Variants in TNFRSF11A observed in about 807,000 individuals in gnomAD.
TNFRSF11A encodes TNF receptor superfamily member 11a.
Under a neutral mutation model 55.7 loss-of-function variants are expected in TNFRSF11A, and 32 were observed. The observed-to-expected ratio is 0.57, with a 90% CI of 0.43 to 0.77. The LOEUF (loss-of-function observed/expected upper bound fraction) is 0.77, where lower values mean the gene tolerates loss of function less well. Among genes scored for constraint, TNFRSF11A ranks in the 30% least tolerant of loss-of-function variants. The pLI, the probability that TNFRSF11A is intolerant of heterozygous loss-of-function variation, is 0.00. For synonymous variants in TNFRSF11A, 311 were observed against 331.0 expected, an observed-to-expected ratio of 0.94 and a Z score of 0.65; for missense variants, 753 against 809.8, an observed-to-expected ratio of 0.93 and a Z score of 0.85.
Position 62,385,656 on chromosome 18 carries a change from C to T in TNFRSF11A, c.*622C>T, listed in dbSNP as rs1266534635. ...GCAGGCCACGCCCAGCTTCCTCCCC[C>T]CGACTCCCCCCCCAGAGACACGGTC... On this transcript the variant is annotated 3_prime_UTR_variant, in exon 10 of 10. Coordinates refer to ENST00000586569, the MANE Select transcript of TNFRSF11A (RefSeq NM_003839.4). The T allele has an allele frequency of 7.0e-6, 1 of 143,712 alleles. No individual in the cohort carries two copies. The highest frequency in any genetic ancestry group is 1.6e-5 in the Non-Finnish European group (1 of 62,566). The allele number at this position is 143,712 out of a possible 1,614,324, so 8.9% of individuals were successfully genotyped here.
chr18:62,358,165 G>T, intron 4 of TNFRSF11A, 83 bp from the exon 5 acceptor site: 2 of 1,357,164 alleles, frequency 1.5e-6, no homozygotes, highest in Non-Finnish European at 2.1e-6. Context: ...GTCCTCTGGA[G>T]TCCCAGCCTG....
chr18:62,384,013 G>T (rs1272477970), intron 9 of TNFRSF11A, among the ~76,000 whole-genome samples: 1 of 151,232 alleles, frequency 6.6e-6, no homozygotes, highest in East Asian at 1.9e-4. Context: ...GCAGACTGAG[G>T]TCTCCTTCCT....
chr18:62,349,740 G>C, intron 2 of TNFRSF11A, 72 bp from the exon 3 acceptor site: 1 of 1,583,398 alleles, frequency 6.3e-7, no homozygotes. Flanking sequence ...AATTTTTGTT[G>C]CTGTTTTGCT....
intron 1 of TNFRSF11A, among the ~76,000 whole-genome samples, chr18:62,337,603 T>C (rs1450912197): frequency 6.6e-6 from 1 of 152,230 alleles, no homozygotes; most frequent in Admixed American, 6.5e-5. Context: ...TGGCACGTGC[T>C]GTACATTTGG....
At chr18:62,370,563 G>A (rs185518985) in intron 9 of TNFRSF11A, among the ~76,000 whole-genome samples, 75 of 152,258 alleles carry the variant, frequency 4.9e-4, no homozygotes, top group African/African-American at 1.5e-3. Context: ...GTTTTGCCTC[G>A]TGGGAATGAT....
intron 1 of TNFRSF11A, among the ~76,000 whole-genome samples, chr18:62,333,415 G>T (rs1185978795): frequency 2.6e-5 from 4 of 152,180 alleles, no homozygotes; most frequent in African/African-American, 9.7e-5. Context: ...AGCTGCTAGA[G>T]ACCCCGGGAT....
intron 7 of TNFRSF11A, among the ~76,000 whole-genome samples, chr18:62,366,305 T>C (rs1281924639): frequency 6.6e-6 from 1 of 152,016 alleles, no homozygotes; most frequent in Non-Finnish European, 1.5e-5. Context: ...TCCCCAAAAG[T>C]CAAATATACA....
At chr18:62,329,525 C>T (rs1049379322) in intron 1 of TNFRSF11A, among the ~76,000 whole-genome samples, 1 of 152,184 alleles carries the variant, frequency 6.6e-6, no homozygotes, top group Admixed American at 6.5e-5. Context: ...CAGTGTGGGG[C>T]TTTCTATGGT....
In TNFRSF11A at chr18:62,369,340, G is replaced by A; in HGVS notation, c.1423G>A (p.Gly475Ser). 6.2e-7 allele frequency: 1 copy of A among 1,610,018 alleles called. No individual in the cohort carries two copies. Among genetic ancestry groups the A allele is most frequent in the African/African-American group, 1.3e-5 (1 of 74,968 alleles). ...TGGACCCTTGCCCCAGTGCGCCTAT[G>A]GCATGGGCCTTCCCCCTGAAGAAGA... Reference protein sequence around the residue: ...KRGPLPQCAYGMGLPPEEEAS... With the variant: ...KRGPLPQCAYSMGLPPEEEAS... The change falls in exon 9 of 10, where the codon GGC becomes AGC. Residue 475 changes from glycine to serine, a missense_variant. Coordinates refer to ENST00000586569, the MANE Select transcript of TNFRSF11A (RefSeq NM_003839.4).
At chr18:62,335,215 C>T (rs1212443117) in intron 1 of TNFRSF11A, among the ~76,000 whole-genome samples, 3 of 151,180 alleles carry the variant, frequency 2.0e-5, no homozygotes, top group African/African-American at 7.3e-5. Flanking sequence ...TCAAGCAATT[C>T]TCCTGCCTCA....
At position 62,389,125 on chromosome 18, in the gene TNFRSF11A, A is replaced by G. The variant is rs1470618631; in HGVS notation, c.*4091A>G. 1 of 152,170 alleles carries G rather than the reference A, an allele frequency of 6.6e-6. No individual in the cohort carries two copies. The highest frequency in any genetic ancestry group is 1.5e-5 in the Non-Finnish European group (1 of 68,092). 9.4% of individuals were successfully genotyped at this position (152,170 alleles called of 1,614,324 possible). ...TGTTGGTGAATCATCATGTTTATTG[A>G]GTGTGCTTTTAGTGGCAGGGCCCTG... On this transcript the variant is annotated 3_prime_UTR_variant, in exon 10 of 10. Coordinates refer to ENST00000586569, the MANE Select transcript of TNFRSF11A (RefSeq NM_003839.4).
At chr18:62,374,301 A>G (rs1910748596) in intron 9 of TNFRSF11A, among the ~76,000 whole-genome samples, 2 of 152,216 alleles carry the variant, frequency 1.3e-5, no homozygotes, top group Admixed American at 1.3e-4. Context: ...ATTTTCAAGC[A>G]TGATTCAGAA....
chr18:62,380,404 GT>G (rs2145390589), intron 9 of TNFRSF11A, among the ~76,000 whole-genome samples: 1 of 150,832 alleles, frequency 6.6e-6, no homozygotes, highest in African/African-American at 2.4e-5. Context: ...ATCTTTCTAG[GT>G]AACTGTCCTT....
In TNFRSF11A at chr18:62,384,954, C is replaced by G; in HGVS notation, c.1771C>G (p.Pro591Ala). The G allele has an allele frequency of 6.6e-7, 1 of 1,509,122 alleles. No individual in the cohort carries two copies. Among genetic ancestry groups the G allele is most frequent in the Non-Finnish European group, 8.8e-7 (1 of 1,134,280 alleles). 93.5% of individuals were successfully genotyped at this position (1,509,122 alleles called of 1,614,324 possible). A position where few individuals can be genotyped will look rare whatever the true frequency, so the allele number is the denominator to read the frequency against. Residue 591 changes from proline (P) to alanine (A), a missense_variant, in exon 10 of 10, where the codon CCG becomes GCG. Pro to Ala is a conservative substitution (Grantham distance 27, BLOSUM62 -1). This residue lies in a region of TNFRSF11A where 567 missense variants were observed against 596.7 expected (regional missense o/e 0.95). Coordinates refer to ENST00000586569, the MANE Select transcript of TNFRSF11A (RefSeq NM_003839.4). ...GGGGAACGGCCCGCGCTTCCCGGAC[C>G]CGTGCGGCGGCCCCGAGGGGCTGCG... ...FAGNGPRFPDPCGGPEGLREP... is the reference protein window; with the variant it reads ...FAGNGPRFPDACGGPEGLREP...
At chr18:62,338,792 A>G (rs1157299923) in intron 1 of TNFRSF11A, among the ~76,000 whole-genome samples, 2 of 150,430 alleles carry the variant, frequency 1.3e-5, no homozygotes, top group African/African-American at 4.8e-5. Context: ...AAATGGTTAA[A>G]ATGGCAAATT....
At chr18:62,376,481 GT>G (rs1312945648) in intron 9 of TNFRSF11A, among the ~76,000 whole-genome samples, 6 of 151,972 alleles carry the variant, frequency 3.9e-5, no homozygotes, top group Admixed American at 3.9e-4. Context: ...TTTTAGAGCA[GT>G]TTTAGCTTCA....
At position 62,342,837 on chromosome 18, in the gene TNFRSF11A, G is replaced by A. The variant is rs897992723; in HGVS notation, c.76-5331G>A. 2.0e-5 allele frequency among the ~76,000 whole-genome samples: 3 copies of A among 152,288 alleles called. No individual in the cohort carries two copies. In the East Asian group the frequency reaches 5.8e-4, roughly 29 times the overall value. On this transcript the variant is annotated intron_variant, in intron 1 of 9. Transcript: ENST00000586569. ...TCAAAGAAATGGACAAGAACCAAGA[G>A]CATTTGTTTGTAGGTTACTCTGATG...
intron 5 of TNFRSF11A, 152 bp downstream of exon 5, chr18:62,358,493 T>C: frequency 1.3e-6 from 1 of 760,292 alleles, no homozygotes; most frequent in Non-Finnish European, 2.3e-6. Flanking sequence ...CAATTCAGCC[T>C]GGGGAAAATA....
Position 62,325,374 on chromosome 18 carries a change from C to T in TNFRSF11A, c.22C>T (p.Arg8Cys). The T allele has an allele frequency of 1.9e-6, 2 of 1,059,048 alleles. No individual in the cohort carries two copies. 65.6% of individuals were successfully genotyped at this position (1,059,048 alleles called of 1,614,324 possible). ...CGCCATGGCCCCGCGCGCCCGGCGGCGCCGCCCGCTGTTCGCGCTGCTGCT... is the reference window on the plus strand; with the variant it reads ...CGCCATGGCCCCGCGCGCCCGGCGGTGCCGCCCGCTGTTCGCGCTGCTGCT... MAPRARR[R>C]RPLFALLLLC... Residue 8 changes from arginine (R) to cysteine (C), a missense_variant, in exon 1 of 10, where the codon CGC becomes TGC. By Grantham distance (180) the Arg-to-Cys change is radical (BLOSUM62 -3). This residue lies in a region of TNFRSF11A where 156 missense variants were observed against 155.1 expected (regional missense o/e 1.01). Transcript: ENST00000586569. The surrounding 1 kb of genome is among the most constrained non-coding windows in gnomAD (Gnocchi z 4.7).
Sources: gnomAD v4.1 joint callset for allele counts (sites outside exome capture counted in the v4.1 genomes callset) on GRCh38, gnomAD v4.1.1 for gene constraint, gnomAD v4.1.1 regional missense constraint, Gnocchi (gnomAD v3.1) non-coding constraint, MANE v1.5 for transcripts, NCBI Gene and HGNC (gene_info 2026-07-23, HGNC 2026-07-21) for gene names.